The following ZSWIM8 variants were observed in gnomAD, a reference collection of about 807,000 sequenced individuals.
ZSWIM8 encodes the protein zinc finger SWIM domain-containing protein 8.
A neutral mutation model predicts 173.7 loss-of-function variants in ZSWIM8; 27 were observed. The observed-to-expected ratio is 0.16, with a 90% CI of 0.11 to 0.21. The LOEUF is 0.21. Among genes scored for constraint, ZSWIM8 ranks in the 10% least tolerant of loss-of-function variants. ZSWIM8 has a pLI of 1.00. For missense variants in ZSWIM8, 1,627 were observed against 2,428.8 expected (o/e 0.67, Z 6.94); for synonymous variants, 958 against 962.0 (o/e 1.00, Z 0.08).
Position 73,792,049 on chromosome 10 carries a change from C to T in ZSWIM8, c.1510C>T (p.Leu504=), listed in dbSNP as rs765565966. 9 of 1,547,168 alleles carry T rather than the reference C, an allele frequency of 5.8e-6. No individual in the cohort carries two copies. In the South Asian group the frequency reaches 1.1e-4, roughly 18 times the overall value. ...CACCTACAGCGGCACTGACAGGAAG[C>T]TGGCACTGTGCTGGGCCCGGGCCCT... ...GVTYSGTDRK[L]ALCWARALPS... Residue 504 remains leucine, a synonymous_variant, in exon 10 of 26, where the codon CTG becomes TTG. Transcript: ENST00000604729. This position sits in a 1 kb window ranked among gnomAD's most constrained non-coding sequence, Gnocchi z 4.3.
chr10:73,791,716 G>A lies in ZSWIM8; in HGVS notation c.1320-143G>A. On this transcript the variant is annotated intron_variant, in intron 9 of 25. Coordinates refer to ENST00000604729, the MANE Select transcript of ZSWIM8 (RefSeq NM_001367799.1). The surrounding 1 kb of genome is among the most constrained non-coding windows in gnomAD (Gnocchi z 6.0). ...AACACCCACTTTTCAAAATTCTCCA[G>A]TGTTTCAGTGATGCTTATGGGGCTG... is the stretch of plus-strand genomic sequence containing the variant. 7.8e-7 allele frequency: 1 copy of A among 1,279,912 alleles called. No individual in the cohort carries two copies. The allele number at this position is 1,279,912 out of a possible 1,614,324, so 79.3% of individuals were successfully genotyped here.
rs985263087 is a variant in ZSWIM8 at position 73,800,885 on chromosome 10, G to C, written c.5122+126G>C. On this transcript the variant is annotated intron_variant, in intron 24 of 25. Transcript: ENST00000604729. The surrounding 1 kb of genome is among the most constrained non-coding windows in gnomAD (Gnocchi z 4.1). Reference sequence around the variant, plus strand: ...CTTGGTCGGGTATGTGTGCGTGCGCGGGGGGCGGAGGGTTACCTCAGCTCC... The same window carrying C: ...CTTGGTCGGGTATGTGTGCGTGCGCCGGGGGCGGAGGGTTACCTCAGCTCC... The C allele has an allele frequency of 7.7e-6, 9 of 1,175,330 alleles. No individual in the cohort carries two copies. The highest frequency in any genetic ancestry group is 7.7e-5 in the African/African-American group (5 of 65,330). The allele number at this position is 1,175,330 out of a possible 1,614,324, so 72.8% of individuals were successfully genotyped here. A position where few individuals can be genotyped will look rare whatever the true frequency, so the allele number is the denominator to read the frequency against.
chr10:73,790,322 G>T, intron 7 of ZSWIM8, 30 bp downstream of exon 7: 1 of 1,566,884 alleles, frequency 6.4e-7, no homozygotes, highest in Non-Finnish European at 8.6e-7. Flanking sequence ...ACCTGTGTCT[G>T]TGGTGGAGGG....
Position 73,786,314 on chromosome 10 carries a change from CTGTGTGTGTGTGGGTGTG to C in ZSWIM8, c.208+241_208+258del, listed in dbSNP as rs1257061781. ...CTGGGGTGGGCTGGCTTCTCCACAC[CTGTGTGTGTGTGGGTGTG>C]TGTGTGTGTGTGTGCGCGCGCGCGC... On this transcript the variant is annotated intron_variant, in intron 1 of 25. Coordinates refer to ENST00000604729, the MANE Select transcript of ZSWIM8 (RefSeq NM_001367799.1). 4 of 508,824 alleles carry C rather than the reference CTGTGTGTGTGTGGGTGTG, an allele frequency of 7.9e-6. No individual in the cohort carries two copies. In the East Asian group the frequency reaches 1.0e-4, roughly 13 times the overall value. 31.5% of individuals were successfully genotyped at this position (508,824 alleles called of 1,614,324 possible).
At position 73,798,598 on chromosome 10, in the gene ZSWIM8, A is replaced by C. The variant is rs527583635; in HGVS notation, c.4176+145A>C. 83 of 744,180 alleles carry C rather than the reference A, an allele frequency of 1.1e-4. 1 individual carries two copies. In the South Asian group the frequency reaches 1.3e-3, roughly 12 times the overall value. The allele number at this position is 744,180 out of a possible 1,614,324, so 46.1% of individuals were successfully genotyped here. A position where few individuals can be genotyped will look rare whatever the true frequency, so the allele number is the denominator to read the frequency against. On this transcript the variant is annotated intron_variant, in intron 20 of 25. Transcript: ENST00000604729. ...GTCCTCTCATGGCAACATTTTACCC[A>C]TTAATGTGCTTTCACACCCATCTTT...
At chr10:73,786,336 G>C (rs1162610659) in intron 1 of ZSWIM8, 14 of 416,764 alleles carry the variant, frequency 3.4e-5, no homozygotes, top group Non-Finnish European at 5.9e-5. Flanking sequence ...GGGTGTGTGT[G>C]TGTGTGTGTG....
chr10:73,787,970 A>G (rs2083284278), intron 1 of ZSWIM8, among the ~76,000 whole-genome samples: 1 of 152,202 alleles, frequency 6.6e-6, no homozygotes, highest in Non-Finnish European at 1.5e-5. Context: ...TGTGAGATGT[A>G]GTTTGTCATG....
chr10:73,796,788 C>T lies in ZSWIM8; in HGVS notation c.3048C>T (p.Leu1016=). 2 of 1,613,560 alleles carry T rather than the reference C, an allele frequency of 1.2e-6. No individual in the cohort carries two copies. Among genetic ancestry groups the T allele is most frequent in the Non-Finnish European group, 1.7e-6 (2 of 1,179,890 alleles). The change falls in exon 16 of 26, where the codon CTC becomes CTT. Residue 1016 remains leucine (L), a synonymous_variant. Transcript: ENST00000604729. The part of the protein sequence containing the change: ...QAKLKKILDK[L]LDRESQTHKP... ...CTGTCTTCCAGATCTTAGACAAACT[C>T]TTGGACCGAGAGAGCCAGACACATA...
rs757493706 is a variant in ZSWIM8, at chr10:73,791,908, G to C, written c.1369G>C (p.Glu457Gln). Reference protein sequence around the residue: ...QLRQWQLKVIENVKRGQHKKT... With the variant: ...QLRQWQLKVIQNVKRGQHKKT... ...GCGGCAGTGGCAACTGAAGGTGATTGAGAACGTCAAGCGGGGCCAACACAA... is the reference window on the plus strand; with the variant it reads ...GCGGCAGTGGCAACTGAAGGTGATTCAGAACGTCAAGCGGGGCCAACACAA... The change falls in exon 10 of 26, where the codon GAG becomes CAG. Residue 457 changes from glutamate (E) to glutamine (Q), a missense_variant. By Grantham distance (29) the Glu-to-Gln change is conservative. Coordinates refer to ENST00000604729, the MANE Select transcript of ZSWIM8 (RefSeq NM_001367799.1). The surrounding 1 kb of genome is among the most constrained non-coding windows in gnomAD (Gnocchi z 6.0). 1.3e-6 allele frequency: 2 copies of C among 1,548,822 alleles called. No individual in the cohort carries two copies. The highest frequency in any genetic ancestry group is 1.7e-6 in the Non-Finnish European group (2 of 1,144,610).
rs756146716 is a variant in ZSWIM8 at position 73,800,710 on chromosome 10, C to G, written c.5073C>G (p.Pro1691=). The change falls in exon 24 of 26, where the codon CCC becomes CCG. Residue 1691 remains proline, a synonymous_variant. Coordinates refer to ENST00000604729, the MANE Select transcript of ZSWIM8 (RefSeq NM_001367799.1). The surrounding 1 kb of genome is among the most constrained non-coding windows in gnomAD (Gnocchi z 4.1). The stretch of plus-strand genomic sequence containing the variant: ...ACCCCAACAACTTCTCCCGCTCCCC[C>G]CCCTACACTGATGATGTCAAATGGT... The part of the protein sequence containing the change: ...NDHPNNFSRS[P]PYTDDVKWLL... 4.3e-6 allele frequency: 7 copies of G among 1,613,682 alleles called. No individual in the cohort carries two copies. Among genetic ancestry groups the G allele is most frequent in the Admixed American group, 1.7e-5 (1 of 59,980 alleles).
rs1168592532 is a variant in ZSWIM8 at position 73,801,669 on chromosome 10, G to A, written c.*150G>A. On this transcript the variant is annotated 3_prime_UTR_variant, in exon 26 of 26. Coordinates refer to ENST00000604729, the MANE Select transcript of ZSWIM8 (RefSeq NM_001367799.1). This position sits in a 1 kb window ranked among gnomAD's most constrained non-coding sequence, Gnocchi z 4.9. ...CAGCTGCTCTTGGGCTATAGCTTGGGGCCAAGATGTCTCACACCCTAGAAG... is the reference window on the plus strand; with the variant it reads ...CAGCTGCTCTTGGGCTATAGCTTGGAGCCAAGATGTCTCACACCCTAGAAG... 2.0e-6 allele frequency: 3 copies of A among 1,535,094 alleles called. No homozygotes were observed. The highest frequency in any genetic ancestry group is 2.6e-6 in the Non-Finnish European group (3 of 1,146,596).
chr10:73,793,958 C>G lies in ZSWIM8; in HGVS notation c.2539C>G (p.Arg847Gly). ...AAFLLTVLSE[R>G]PEHHNLAFRV... ...CTTCCTGTTGACAGTGCTAAGTGAG[C>G]GTCCAGAGCACCACAACCTGGCCTT... Residue 847 changes from arginine to glycine, a missense_variant, in exon 12 of 26, where the codon CGT becomes GGT. Physicochemically the swap from Arg to Gly is moderately radical, Grantham distance 125. Transcript: ENST00000604729. 2 of 1,613,388 alleles carry G rather than the reference C, an allele frequency of 1.2e-6. No homozygotes were observed. The highest frequency in any genetic ancestry group is 1.7e-6 in the Non-Finnish European group (2 of 1,179,618).
In ZSWIM8 at chr10:73,797,677, C is replaced by A; in HGVS notation, c.3662+72C>A. 6.4e-7 allele frequency: 1 copy of A among 1,570,540 alleles called. No homozygotes were observed. Among genetic ancestry groups the A allele is most frequent in the Non-Finnish European group, 8.7e-7 (1 of 1,153,212 alleles). ...GAGCCACACCCCTAGTGCAATCCAA[C>A]CATTGTCTCCCAGCATCCTCACTTT... On this transcript the variant is annotated intron_variant, in intron 18 of 25. Coordinates refer to ENST00000604729, the MANE Select transcript of ZSWIM8 (RefSeq NM_001367799.1). This position sits in a 1 kb window ranked among gnomAD's most constrained non-coding sequence, Gnocchi z 5.6.
rs2083471417 is a variant in ZSWIM8 at position 73,792,920 on chromosome 10, A to G, written c.2313+68A>G. On this transcript the variant is annotated intron_variant, in intron 10 of 25. Transcript: ENST00000604729. This position sits in a 1 kb window ranked among gnomAD's most constrained non-coding sequence, Gnocchi z 4.3. Reference sequence around the variant, plus strand: ...CAACTGGGAGGGGCTATCTAGCTCTAGTTGGGAGTGTCAGGACCATCAGCA... The same window carrying G: ...CAACTGGGAGGGGCTATCTAGCTCTGGTTGGGAGTGTCAGGACCATCAGCA... 1 of 1,487,906 alleles carries G rather than the reference A, an allele frequency of 6.7e-7. No homozygotes were observed. The highest frequency in any genetic ancestry group is 1.4e-5 in the African/African-American group (1 of 71,512). 92.2% of individuals were successfully genotyped at this position (1,487,906 alleles called of 1,614,324 possible). A position where few individuals can be genotyped will look rare whatever the true frequency, so the allele number is the denominator to read the frequency against.
chr10:73,795,412 T>G, intron 14 of ZSWIM8, 127 bp from the exon 15 acceptor site: 1 of 1,409,510 alleles, frequency 7.1e-7, no homozygotes, highest in Middle Eastern at 1.9e-4. Context: ...CTTCTATAGG[T>G]GATGTGGGTT....
At chr10:73,793,750 CCCCCACTTA>C in intron 11 of ZSWIM8, 31 bp downstream of exon 11, 1 of 1,546,998 alleles carries the variant, frequency 6.5e-7, no homozygotes, top group Middle Eastern at 1.9e-4. Flanking sequence ...ACCTTCCCCT[CCCCCACTTA>C]CCCCCAACCT....
intron 21 of ZSWIM8, 111 bp from the exon 22 acceptor site, chr10:73,799,900 G>A (rs917980482): frequency 7.1e-6 from 6 of 850,684 alleles, no homozygotes; most frequent in Non-Finnish European, 1.1e-5. Context: ...AGGACAGAGC[G>A]AGACTCTATC....
intron 2 of ZSWIM8, 113 bp from the exon 3 acceptor site, chr10:73,788,983 C>A: frequency 3.2e-6 from 2 of 616,490 alleles, no homozygotes; most frequent in East Asian, 6.4e-5. Context: ...CCACCCCCCG[C>A]CCTGGGGAAG....
chr10:73,789,278 A>G lies in ZSWIM8; in HGVS notation c.457+88A>G. The G allele has an allele frequency of 1.3e-6, 2 of 1,598,998 alleles. No homozygotes were observed. Among genetic ancestry groups the G allele is most frequent in the Non-Finnish European group, 1.7e-6 (2 of 1,170,122 alleles). ...AGAACACACCGCAAGAAGCTGGAGC[A>G]TGTTGTCTGAATAACTGCAGGGCCA... On this transcript the variant is annotated intron_variant, in intron 3 of 25. Coordinates refer to ENST00000604729, the MANE Select transcript of ZSWIM8 (RefSeq NM_001367799.1). This position sits in a 1 kb window ranked among gnomAD's most constrained non-coding sequence, Gnocchi z 6.8.
Sources: allele counts gnomAD v4.1 joint callset (sites outside exome capture counted in the v4.1 genomes callset), GRCh38; gene constraint gnomAD v4.1.1; non-coding constraint Gnocchi (gnomAD v3.1); transcripts MANE v1.5; gene names NCBI Gene and HGNC (gene_info 2026-07-23, HGNC 2026-07-21).